Variants in GFRA1 observed in about 807,000 individuals in gnomAD.
GFRA1 encodes the protein GDNF family receptor alpha 1.
In GFRA1, 16 loss-of-function variants were observed where a neutral mutation model predicts 51.6. The ratio of observed to expected loss-of-function variants is 0.31; its 90% confidence interval spans 0.21 to 0.47. The LOEUF (loss-of-function observed/expected upper bound fraction) is 0.47, where lower values mean the gene tolerates loss of function less well. Ranked by LOEUF, GFRA1 falls within the 20% of genes least tolerant of loss-of-function variation. The probability of loss-of-function intolerance (pLI) is 1.00; values close to 1 mark genes in which losing one functional copy is unlikely to be tolerated. For synonymous variants in GFRA1, 270 were observed against 241.3 expected (o/e 1.12, Z -1.10); for missense variants, 530 against 594.3 (o/e 0.89, Z 1.13).
intron 4 of GFRA1, among the ~76,000 whole-genome samples, chr10:116,267,301 A>T (rs960046319): frequency 6.6e-6 from 1 of 151,904 alleles, no homozygotes; most frequent in African/African-American, 2.4e-5. Context: ...GTATTTCTCT[A>T]CTAAACATAC....
chr10:116,252,328 C>T (rs2134702064), intron 4 of GFRA1, among the ~76,000 whole-genome samples: 1 of 152,174 alleles, frequency 6.6e-6, no homozygotes, highest in South Asian at 2.1e-4. Context: ...CTTAATGAAG[C>T]TACCCTTCAC....
chr10:116,131,018 T>TA (rs1432775879), intron 5 of GFRA1, among the ~76,000 whole-genome samples: 1 of 152,062 alleles, frequency 6.6e-6, no homozygotes, highest in Non-Finnish European at 1.5e-5. Flanking sequence ...TCACAAAACA[T>TA]ACGTCTGACA....
chr10:116,211,768 T>C, intron 4 of GFRA1, 123 bp from the exon 5 acceptor site: 1 of 777,382 alleles, frequency 1.3e-6, no homozygotes, highest in Non-Finnish European at 2.1e-6. Flanking sequence ...AAGCACTCTA[T>C]GCATATTTCC....
In GFRA1 at chr10:116,062,708, C is replaced by G. The variant is rs914280378; in HGVS notation, c.*1690G>C. The G allele has an allele frequency of 1.3e-5, 2 of 152,194 alleles. No individual in the cohort carries two copies. The highest frequency in any genetic ancestry group is 4.8e-5 in the African/African-American group (2 of 41,450). 9.4% of individuals were successfully genotyped at this position (152,194 alleles called of 1,614,324 possible). ...TGAAGGTGGAATCTCCTCCTCTTTA[C>G]TTAATGTTGGAGAAAAGTGGCCACC... On this transcript the variant is annotated 3_prime_UTR_variant, in exon 11 of 11. Coordinates refer to ENST00000355422, the MANE Select transcript of GFRA1 (RefSeq NM_005264.8).
upstream of GFRA1, among the ~76,000 whole-genome samples, chr10:116,274,252 G>C (rs1844139872): frequency 6.6e-6 from 1 of 151,850 alleles, no homozygotes; most frequent in Non-Finnish European, 1.5e-5. Flanking sequence ...CGGGAGACCG[G>C]TCTAGGAGCC....
intron 6 of GFRA1, among the ~76,000 whole-genome samples, chr10:116,104,244 C>T (rs1956925080): frequency 6.6e-6 from 1 of 152,236 alleles, no homozygotes; most frequent in Admixed American, 6.5e-5. Flanking sequence ...GCCTTCAAGC[C>T]TTTCCTAATG....
At chr10:116,255,506 A>C (rs1263159888) in intron 4 of GFRA1, 546 of 889,334 alleles carry the variant, frequency 6.1e-4, no homozygotes, top group African/African-American at 9.6e-4. Context: ...AAAAAAAAAA[A>C]CAAAAAAAAA....
chr10:116,206,650 C>A (rs1964788311), intron 5 of GFRA1, among the ~76,000 whole-genome samples: 2 of 59,980 alleles, frequency 3.3e-5, no homozygotes, highest in Non-Finnish European at 6.4e-5. Flanking sequence ...TTTTTTGAGA[C>A]GGAGCCTCAC....
intron 4 of GFRA1, among the ~76,000 whole-genome samples, chr10:116,237,582 A>G (rs1422699922): frequency 6.6e-6 from 1 of 151,850 alleles, no homozygotes; most frequent in African/African-American, 2.4e-5. Context: ...GGCAAAAAAA[A>G]AAAAAAAAAA....
intron 5 of GFRA1, among the ~76,000 whole-genome samples, chr10:116,199,770 T>C (rs1964181686): frequency 6.6e-6 from 1 of 152,190 alleles, no homozygotes. Flanking sequence ...ATCTTAAGTG[T>C]ATATTCGCTG....
At chr10:116,140,498 C>T (rs1000933039) in intron 5 of GFRA1, among the ~76,000 whole-genome samples, 12 of 151,948 alleles carry the variant, frequency 7.9e-5, no homozygotes, top group Admixed American at 2.0e-4. Flanking sequence ...GAAGTGTATG[C>T]GGTTCAAAGA....
intron 5 of GFRA1, among the ~76,000 whole-genome samples, chr10:116,137,720 A>C (rs373713069): frequency 6.6e-6 from 1 of 152,232 alleles, no homozygotes; most frequent in Non-Finnish European, 1.5e-5. Flanking sequence ...GAAAGTCTAC[A>C]GTAAATGGAG....
chr10:116,139,088 C>G (rs1430756676), intron 5 of GFRA1, among the ~76,000 whole-genome samples: 1 of 152,246 alleles, frequency 6.6e-6, no homozygotes, highest in Non-Finnish European at 1.5e-5. Context: ...GCTCTTCCAC[C>G]TGGCTCCTGT....
At chr10:116,156,546 C>G (rs573879144) in intron 5 of GFRA1, among the ~76,000 whole-genome samples, 2 of 152,328 alleles carry the variant, frequency 1.3e-5, no homozygotes, top group South Asian at 4.1e-4. Context: ...AACATGTTAT[C>G]CATCCCCACT....
chr10:116,213,602 G>A (rs548888679), intron 4 of GFRA1, among the ~76,000 whole-genome samples: 31 of 152,258 alleles, frequency 2.0e-4, no homozygotes, highest in African/African-American at 6.7e-4. Flanking sequence ...AACTAAGTAG[G>A]AACTATATCA....
intron 5 of GFRA1, among the ~76,000 whole-genome samples, chr10:116,191,575 A>T: frequency 6.6e-6 from 1 of 151,744 alleles, no homozygotes; most frequent in East Asian, 1.9e-4. Flanking sequence ...TTGCCAGGGG[A>T]AAAAAAAAGC....
intron 5 of GFRA1, among the ~76,000 whole-genome samples, chr10:116,174,859 A>G (rs979664950): frequency 1.3e-5 from 2 of 152,232 alleles, no homozygotes; most frequent in African/African-American, 4.8e-5. Flanking sequence ...AAAGCAAAAT[A>G]TAATATAGAA....
At chr10:116,199,377 A>C (rs1964153009) in intron 5 of GFRA1, among the ~76,000 whole-genome samples, 1 of 152,142 alleles carries the variant, frequency 6.6e-6, no homozygotes, top group Non-Finnish European at 1.5e-5. Context: ...ATCCCTATGG[A>C]GGCCACATAA....
intron 6 of GFRA1, among the ~76,000 whole-genome samples, chr10:116,102,576 G>C (rs1309804834): frequency 2.0e-5 from 3 of 152,196 alleles, no homozygotes; most frequent in Non-Finnish European, 4.4e-5. Flanking sequence ...ACATGGTGCG[G>C]AGGTCTCACA....
Sources: gnomAD v4.1 joint callset for allele counts (sites outside exome capture counted in the v4.1 genomes callset) on GRCh38, gnomAD v4.1.1 for gene constraint, MANE v1.5 for transcripts, NCBI Gene and HGNC (gene_info 2026-07-23, HGNC 2026-07-21) for gene names.